MS4A18: variants seen among roughly 807,000 people sequenced by gnomAD.
The protein encoded by MS4A18 is membrane-spanning 4-domains subfamily A member 18.
In MS4A18, 27 loss-of-function variants were observed where a neutral mutation model predicts 13.1. That is an observed-to-expected ratio of 2.06 (90% CI 1.52 to 2.84). The LOEUF (loss-of-function observed/expected upper bound fraction) is 2.84, where lower values mean the gene tolerates loss of function less well. MS4A18 is among the 30% of genes most tolerant of loss of function. The pLI, the probability that MS4A18 is intolerant of heterozygous loss-of-function variation, is 0.00. For missense variants in MS4A18, 307 were observed against 196.4 expected (o/e 1.56, Z -3.37); for synonymous variants, 126 against 76.5 (o/e 1.65, Z -3.38).
intron 3 of MS4A18, among the ~76,000 whole-genome samples, chr11:60,738,476 C>T (rs1444528069): frequency 6.6e-6 from 1 of 152,178 alleles, no homozygotes; most frequent in African/African-American, 2.4e-5. Flanking sequence ...ATTGCCTACT[C>T]TCTGCTGCTT....
At chr11:60,738,966 T>A in exon 4 of MS4A18, 1 of 703,190 alleles carries the variant, frequency 1.4e-6, no homozygotes, top group South Asian at 1.5e-5. Context: ...ATCTTCATTA[T>A]CATTACAGAT....
At chr11:60,737,490 T>C (rs79767039) in intron 3 of MS4A18, among the ~76,000 whole-genome samples, 2,142 of 152,322 alleles carry the variant, frequency 0.014, 48 homozygotes, top group African/African-American at 0.048. Flanking sequence ...ATATTTTCCA[T>C]GATCCTCTTT....
At chr11:60,733,538 T>A in exon 2 of MS4A18, 1 of 703,264 alleles carries the variant, frequency 1.4e-6, no homozygotes. Flanking sequence ...CTGCAGGCCA[T>A]CCAGATCCTC....
At chr11:60,736,600 G>A (rs1853343036) in intron 2 of MS4A18, among the ~76,000 whole-genome samples, 1 of 152,186 alleles carries the variant, frequency 6.6e-6, no homozygotes, top group Admixed American at 6.5e-5. Flanking sequence ...GATCACAGTT[G>A]AGGATAGGGC....
chr11:60,744,373 C>T (rs1255660764), downstream of MS4A18, among the ~76,000 whole-genome samples: 3 of 152,210 alleles, frequency 2.0e-5, no homozygotes, highest in East Asian at 5.8e-4. Context: ...AACTCTGACA[C>T]GGTTCTCCCA....
At chr11:60,741,254 C>A (rs1195723108) in intron 5 of MS4A18, 111 bp downstream of exon 6, 1 of 686,642 alleles carries the variant, frequency 1.5e-6, no homozygotes, top group South Asian at 1.5e-5. Context: ...GAGGGTGTAT[C>A]AGTTAAGTTT....
rs114284615 is a variant in MS4A18, at chr11:60,739,048, T to C, written c.744+51T>C. ...GTGCTGCCAAAGGACCAGGAGGGCTTCTGAGGTTGCCTCCCCAGAGCAGAA... is the reference window on the plus strand; with the variant it reads ...GTGCTGCCAAAGGACCAGGAGGGCTCCTGAGGTTGCCTCCCCAGAGCAGAA... On this transcript the variant is annotated intron_variant, in intron 4 of 5. Transcript: ENST00000529108. The C allele has an allele frequency of 1.3e-3, 925 of 699,032 alleles. 10 individuals are homozygous for C. The African/African-American group carries it at 0.015, about 11-fold the overall frequency. 43.3% of individuals were successfully genotyped at this position (699,032 alleles called of 1,614,324 possible).
rs1164753570 is a variant in MS4A18 at position 60,738,899 on chromosome 11, C to A, written c.649-3C>A. ...CCTCTCTCCTCTCCCTCCTCTCCTG[C>A]AGGTGAACAGCAGCATCAGCTTCAA... On this transcript the variant is annotated splice_region_variant and splice_polypyrimidine_tract_variant and intron_variant, in intron 3 of 5. Coordinates refer to ENST00000529108, the Ensembl canonical transcript of MS4A18. The A allele has an allele frequency of 2.8e-6, 2 of 703,252 alleles. No homozygotes were observed. Among genetic ancestry groups the A allele is most frequent in the South Asian group, 3.0e-5 (2 of 67,590 alleles). 43.6% of individuals were successfully genotyped at this position (703,252 alleles called of 1,614,324 possible).
intron 1 of MS4A18, 144 bp downstream of exon 2, chr11:60,729,930 T>G: frequency 1.7e-6 from 1 of 597,948 alleles, no homozygotes. Context: ...CTGGACCCAG[T>G]ACAATCACCC....
intron 1 of MS4A18, among the ~76,000 whole-genome samples, chr11:60,730,462 G>T (rs1180244447): frequency 6.6e-6 from 1 of 152,226 alleles, no homozygotes; most frequent in Non-Finnish European, 1.5e-5. Context: ...CCTGCAAGGA[G>T]CTGGAGACTC....
downstream of MS4A18, chr11:60,744,217 T>C: frequency 1.9e-6 from 1 of 535,536 alleles, no homozygotes; most frequent in South Asian, 2.3e-5. Context: ...CCTTTGGCTC[T>C]CAGTATCTTT....
At chr11:60,736,707 T>C (rs1853344993) in intron 2 of MS4A18, among the ~76,000 whole-genome samples, 1 of 152,224 alleles carries the variant, frequency 6.6e-6, no homozygotes. Context: ...TAATGAGATT[T>C]ACAGCATCCT....
intron 2 of MS4A18, among the ~76,000 whole-genome samples, chr11:60,735,524 T>A (rs11230457): frequency 1.3e-3 from 175 of 134,094 alleles, no homozygotes; most frequent in Middle Eastern, 7.6e-3. Context: ...TTTTTTTTTG[T>A]ATTTTTAGTA....
intron 1 of MS4A18, among the ~76,000 whole-genome samples, chr11:60,730,898 T>C (rs780210792): frequency 6.6e-6 from 1 of 152,142 alleles, no homozygotes; most frequent in Non-Finnish European, 1.5e-5. Flanking sequence ...ATCGAGACCA[T>C]CCTGGCTAAC....
Position 60,733,658 on chromosome 11 carries a change from G to A in MS4A18, c.591+11G>A, listed in dbSNP as rs1478038457. The A allele has an allele frequency of 1.4e-6, 1 of 703,542 alleles. No homozygotes were observed. The highest frequency in any genetic ancestry group is 2.7e-5 in the East Asian group (1 of 37,284). 43.6% of individuals were successfully genotyped at this position (703,542 alleles called of 1,614,324 possible). A position where few individuals can be genotyped will look rare whatever the true frequency, so the allele number is the denominator to read the frequency against. On this transcript the variant is annotated intron_variant, in intron 2 of 5. Transcript: ENST00000529108. The stretch of plus-strand genomic sequence containing the variant: ...TGGGGAGGATTATCCGTGAGTACAA[G>A]GCCATATGGTCTCCTTCCTGGGTCA...
At chr11:60,743,748 C>A in exon 6 of MS4A18, 1 of 702,782 alleles carries the variant, frequency 1.4e-6, no homozygotes, top group Non-Finnish European at 2.6e-6. Flanking sequence ...CTGCCACTGG[C>A]CCTGTCAGTG....
chr11:60,737,020 C>T (rs1853352618), exon 3 of MS4A18: 5 of 702,436 alleles, frequency 7.1e-6, no homozygotes, highest in Non-Finnish European at 1.0e-5. Context: ...TGCAAAGGAC[C>T]CCAGTCCTTG....
intron 2 of MS4A18, among the ~76,000 whole-genome samples, chr11:60,734,985 G>T (rs1258731368): frequency 6.6e-6 from 1 of 151,902 alleles, no homozygotes; most frequent in Admixed American, 6.6e-5. Flanking sequence ...GTTTTGCCAT[G>T]TTGGCCAGCC....
chr11:60,733,202 C>T lies in MS4A18; in HGVS notation c.478-332C>T, dbSNP rs11824726. Among the ~76,000 whole-genome samples, 1,416 of 152,380 alleles carry T rather than the reference C, an allele frequency of 9.3e-3. 24 individuals carry two copies. The highest frequency in any genetic ancestry group is 0.032 in the African/African-American group (1,315 of 41,584). On this transcript the variant is annotated intron_variant, in intron 1 of 5. Transcript: ENST00000529108. ...GCCAGGACAGGAGCCAGGTGGTTTT[C>T]AGCCACAACCCGGGCTCGGCCCGTG...
Sources: gnomAD v4.1 joint callset for allele counts (sites outside exome capture counted in the v4.1 genomes callset) on GRCh38, gnomAD v4.1.1 for gene constraint, MANE v1.5 for transcripts, NCBI Gene and HGNC (gene_info 2026-07-23, HGNC 2026-07-21) for gene names.